DNAH6: variants seen among roughly 807,000 people sequenced by gnomAD.
DNAH6 encodes axonemal beta dynein heavy chain 6.
A neutral mutation model predicts 491.4 loss-of-function variants in DNAH6; 340 were observed. The ratio of observed to expected loss-of-function variants is 0.69; its 90% confidence interval spans 0.63 to 0.76. The LOEUF (loss-of-function observed/expected upper bound fraction) is 0.76, where lower values mean the gene tolerates loss of function less well. DNAH6 is among the 30% of genes least tolerant of loss of function. DNAH6 has a pLI of 0.00. For synonymous variants in DNAH6, 1,603 were observed against 1,686.1 expected, an observed-to-expected ratio of 0.95 and a Z score of 1.21; for missense variants, 4,443 against 4,972.2, an observed-to-expected ratio of 0.89 and a Z score of 3.20.
chr2:84,511,414 T>C, the DNAH6 span, among the ~76,000 whole-genome samples: 24 of 136,150 alleles, frequency 1.8e-4, no homozygotes, highest in East Asian at 1.2e-3. Flanking sequence ...TTGCTAAGAC[T>C]GTTGGAAAAG....
intron 3 of DNAH6, 47 bp downstream of exon 3, chr2:84,525,785 T>C: frequency 7.5e-7 from 1 of 1,329,854 alleles, no homozygotes; most frequent in East Asian, 2.5e-5. Flanking sequence ...TAATTTTGTT[T>C]TGTATAGCAT....
intron 50 of DNAH6, 115 bp from the exon 51 acceptor site, chr2:84,703,952 C>T: frequency 1.3e-6 from 1 of 763,794 alleles, no homozygotes. Flanking sequence ...TAGCTAATTC[C>T]CTTTCATCAT....
chr2:84,709,756 C>A, intron 55 of DNAH6, among the ~76,000 whole-genome samples: 1 of 152,140 alleles, frequency 6.6e-6, no homozygotes, highest in African/African-American at 2.4e-5. Flanking sequence ...GAAGTGCTCC[C>A]GTACTTGATT....
In DNAH6 at chr2:84,701,292, A is replaced by C; in HGVS notation, c.8014A>C (p.Asn2672His). ...ACCCACCTCCTACCTGGAGCTTATC[A>C]ATCTTTACCTGTCTATGCTGTCTGA... ...TTPTSYLELI[N>H]LYLSMLSEKR... The change falls in exon 49 of 77, where the codon AAT (asparagine) becomes CAT (histidine). Residue 2672 changes from asparagine (N) to histidine (H), a missense_variant. Physicochemically the swap from Asn to His is moderately conservative, Grantham distance 68. Coordinates refer to ENST00000389394, the MANE Select transcript of DNAH6 (RefSeq NM_001370.2). 6.4e-7 allele frequency: 1 copy of C among 1,551,990 alleles called. No homozygotes were observed. Among genetic ancestry groups the C allele is most frequent in the South Asian group, 1.2e-5 (1 of 84,062 alleles).
the DNAH6 span, among the ~76,000 whole-genome samples, chr2:84,489,093 A>G: frequency 2.0e-5 from 3 of 152,162 alleles, no homozygotes; most frequent in Non-Finnish European, 2.9e-5. Flanking sequence ...TGGCCTCCCT[A>G]TAACTTCAAC....
chr2:84,796,463 CAAG>C, intron 69 of DNAH6, 38 bp downstream of exon 69: 1 of 1,461,622 alleles, frequency 6.8e-7, no homozygotes, highest in Non-Finnish European at 9.1e-7. Context: ...AGGCCTTTCC[CAAG>C]AAGATGTTGA....
At chr2:84,770,173 C>T (rs1675473417) in intron 64 of DNAH6, among the ~76,000 whole-genome samples, 2 of 152,068 alleles carry the variant, frequency 1.3e-5, no homozygotes, top group Non-Finnish European at 2.9e-5. Context: ...AAATACTGAC[C>T]TTACAAAATT....
At chr2:84,480,382 C>A in the DNAH6 span, among the ~76,000 whole-genome samples, 1 of 151,906 alleles carries the variant, frequency 6.6e-6, no homozygotes, top group African/African-American at 2.4e-5. Context: ...AAAAGAAAAC[C>A]CCAAAGATTA....
Position 84,544,237 on chromosome 2 carries a change from G to A in DNAH6, c.667G>A (p.Val223Ile). ...IEYDTYNLKV[V>I]SYENINKNDY... ...CCAATTTTTATTTGTTTATAGAGTT[G>A]TAAGTTATGAGAACATCAATAAAAA... Residue 223 changes from valine (V) to isoleucine (I), a missense_variant, in exon 5 of 77, where the codon GTA becomes ATA. Physicochemically the swap from Val to Ile is conservative, Grantham distance 29 (BLOSUM62 3). Coordinates refer to ENST00000389394, the MANE Select transcript of DNAH6 (RefSeq NM_001370.2). The A allele has an allele frequency of 4.2e-6, 6 of 1,436,232 alleles. No homozygotes were observed. Among genetic ancestry groups the A allele is most frequent in the Non-Finnish European group, 5.7e-6 (6 of 1,056,064 alleles). 89.0% of individuals were successfully genotyped at this position (1,436,232 alleles called of 1,614,324 possible).
intron 14 of DNAH6, among the ~76,000 whole-genome samples, chr2:84,582,361 C>G (rs6730309): frequency 0.96 from 146,912 of 152,320 alleles, 70,895 homozygotes; most frequent in East Asian, 1. Flanking sequence ...GTATATTCTT[C>G]GGACCCACCC....
rs111734128 is a variant in DNAH6 at position 84,643,897 on chromosome 2, T to TGTG, written c.5078+1845_5078+1846insGGT. Among the ~76,000 whole-genome samples, 651 of 146,742 alleles carry TGTG rather than the reference T, an allele frequency of 4.4e-3. 3 individuals carry two copies. Among genetic ancestry groups the TGTG allele is most frequent in the African/African-American group, 0.017 (610 of 36,292 alleles). The stretch of plus-strand genomic sequence containing the variant: ...CTGCTTGCTCTGTCTCTTCAAATTG[T>TGTG]GTTTTTTTTTGTTTTATTTTGTTTG... On this transcript the variant is annotated intron_variant, in intron 33 of 76. Coordinates refer to ENST00000389394, the MANE Select transcript of DNAH6 (RefSeq NM_001370.2).
At chr2:84,735,349 C>T (rs776558844) in intron 62 of DNAH6, among the ~76,000 whole-genome samples, 1 of 152,144 alleles carries the variant, frequency 6.6e-6, no homozygotes, top group African/African-American at 2.4e-5. Context: ...AATAGTGCTG[C>T]GATAAACATG....
At chr2:84,604,116 T>A (rs1367812475) in intron 18 of DNAH6, among the ~76,000 whole-genome samples, 3 of 152,194 alleles carry the variant, frequency 2.0e-5, no homozygotes, top group Admixed American at 6.5e-5. Context: ...CCTGTCGGTA[T>A]CAATCTCTCT....
intron 63 of DNAH6, among the ~76,000 whole-genome samples, chr2:84,746,477 G>A (rs1017094130): frequency 5.9e-5 from 9 of 152,172 alleles, no homozygotes; most frequent in African/African-American, 2.2e-4. Context: ...AGCATTCATG[G>A]CAGTTCCAGT....
intron 15 of DNAH6, 139 bp downstream of exon 15, chr2:84,584,389 T>A: frequency 1.1e-6 from 1 of 901,366 alleles, no homozygotes; most frequent in Non-Finnish European, 1.6e-6. Flanking sequence ...GTATACATTG[T>A]GAAATTGTTA....
chr2:84,742,855 A>G (rs904643141), intron 62 of DNAH6, among the ~76,000 whole-genome samples: 1 of 152,190 alleles, frequency 6.6e-6, no homozygotes, highest in Non-Finnish European at 1.5e-5. Flanking sequence ...TAAACCCATT[A>G]AGTGTGGTGG....
intron 14 of DNAH6, among the ~76,000 whole-genome samples, chr2:84,582,048 T>C (rs376643026): frequency 3.3e-5 from 5 of 152,142 alleles, no homozygotes; most frequent in Non-Finnish European, 5.9e-5. Flanking sequence ...TCGCCCAAAA[T>C]AGAGGAAATA....
the DNAH6 span, among the ~76,000 whole-genome samples, chr2:84,486,594 GC>G: frequency 4.6e-5 from 7 of 152,190 alleles, no homozygotes; most frequent in Non-Finnish European, 1.0e-4. Flanking sequence ...GCCTCCAAAG[GC>G]AAGTGACTAG....
At chr2:84,498,033 G>A in the DNAH6 span, among the ~76,000 whole-genome samples, 11 of 152,158 alleles carry the variant, frequency 7.2e-5, no homozygotes, top group Non-Finnish European at 1.3e-4. Context: ...TGTACAGCAA[G>A]GTCCTTCCAG....
Sources: gnomAD v4.1 joint callset for allele counts (sites outside exome capture counted in the v4.1 genomes callset) on GRCh38, gnomAD v4.1.1 for gene constraint, MANE v1.5 for transcripts, NCBI Gene and HGNC (gene_info 2026-07-23, HGNC 2026-07-21) for gene names.